The following UGT1A9 variants were observed in gnomAD, a reference collection of about 807,000 sequenced individuals.
UGT1A9 encodes UDP glucuronosyltransferase family 1 member A9.
UGT1A9 carries 35 observed loss-of-function variants against 45.0 expected under a neutral mutation model. The ratio of observed to expected loss-of-function variants is 0.78; its 90% CI spans 0.59 to 1.03. The LOEUF is 1.03. Among genes scored for constraint, UGT1A9 ranks in the 50% least tolerant of loss-of-function variants. The probability of loss-of-function intolerance (pLI) is 0.00; values close to 1 mark genes in which losing one functional copy is unlikely to be tolerated. For missense variants in UGT1A9, 687 were observed against 666.6 expected (o/e 1.03, Z -0.34); for synonymous variants, 278 against 250.6 (o/e 1.11, Z -1.03).
intron 1 of UGT1A9, chr2:233,743,796 C>T (rs774777752): frequency 7.3e-7 from 1 of 1,367,346 alleles, no homozygotes; most frequent in South Asian, 1.1e-5. Flanking sequence ...CTCTCCGCTT[C>T]CTCCTTGTTC....
intron 1 of UGT1A9, among the ~76,000 whole-genome samples, chr2:233,709,629 A>G (rs2076085542): frequency 6.6e-6 from 1 of 152,194 alleles, no homozygotes; most frequent in South Asian, 2.1e-4. Context: ...TTTTGCTGTG[A>G]GTGTTTCTTG....
chr2:233,758,001 G>A (rs1372978564), intron 1 of UGT1A9, among the ~76,000 whole-genome samples: 1 of 152,062 alleles, frequency 6.6e-6, no homozygotes, highest in Non-Finnish European at 1.5e-5. Context: ...TAATTGCCTG[G>A]TCATGAGTTT....
intron 1 of UGT1A9, chr2:233,729,601 G>C: frequency 3.1e-6 from 5 of 1,614,032 alleles, no homozygotes; most frequent in Non-Finnish European, 4.2e-6. Context: ...CCTCTGCGCG[G>C]CAGTGCTGGC....
chr2:233,702,177 T>C (rs2075673724), intron 1 of UGT1A9, among the ~76,000 whole-genome samples: 1 of 152,186 alleles, frequency 6.6e-6, no homozygotes. Flanking sequence ...CTTCTTTCTC[T>C]CCTTCCTCCA....
intron 1 of UGT1A9, among the ~76,000 whole-genome samples, chr2:233,705,549 T>C (rs966498123): frequency 3.9e-5 from 6 of 152,104 alleles, no homozygotes; most frequent in Non-Finnish European, 8.8e-5. Flanking sequence ...GAGCAGCTGG[T>C]GATATTGCTT....
intron 1 of UGT1A9, among the ~76,000 whole-genome samples, chr2:233,679,436 C>A (rs752875090): frequency 1.3e-5 from 2 of 152,206 alleles, no homozygotes; most frequent in East Asian, 1.9e-4. Flanking sequence ...GCAGTCCTGA[C>A]TGTAAACTTG....
At chr2:233,748,210 C>T in intron 1 of UGT1A9, 1 of 1,497,674 alleles carries the variant, frequency 6.7e-7, no homozygotes, top group Non-Finnish European at 9.0e-7. Flanking sequence ...TAATAGCCTT[C>T]AGTGAGATAA....
At position 233,691,285 on chromosome 2, in the gene UGT1A9, T is replaced by C. The variant is rs866612488; in HGVS notation, c.855+18496T>C. On this transcript the variant is annotated intron_variant, in intron 1 of 4. Coordinates refer to ENST00000354728, the MANE Select transcript of UGT1A9 (RefSeq NM_021027.3). ...GCTGCCGCCCCCATGACTTTGATCA[T>C]TGTAAGCTGCCAATCCTCTTGGGAG... is the stretch of plus-strand genomic sequence containing the variant. 90 of 985,556 alleles carry C rather than the reference T, an allele frequency of 9.1e-5. No homozygotes were observed. In the Middle Eastern group the frequency reaches 2.1e-3, roughly 23 times the overall value. The allele number at this position is 985,556 out of a possible 1,614,324, so 61.1% of individuals were successfully genotyped here. A position where few individuals can be genotyped will look rare whatever the true frequency, so the allele number is the denominator to read the frequency against.
intron 1 of UGT1A9, chr2:233,693,919 C>T: frequency 6.2e-7 from 1 of 1,611,200 alleles, no homozygotes; most frequent in Non-Finnish European, 8.5e-7. Flanking sequence ...CTCTGTCCTC[C>T]CTCACTCATT....
Position 233,713,826 on chromosome 2 carries a change from A to G in UGT1A9, c.855+41037A>G, listed in dbSNP as rs973354070. 6.2e-6 allele frequency: 10 copies of G among 1,613,990 alleles called. No individual in the cohort carries two copies. The African/African-American group carries it at 1.3e-4, about 22-fold the overall frequency. ...GCCCAACATGGTCTTCATTGGGGGC[A>G]TCAACTGTGCCAACGGGAAGCCACT... is the stretch of plus-strand genomic sequence containing the variant. On this transcript the variant is annotated intron_variant, in intron 1 of 4. Coordinates refer to ENST00000354728, the MANE Select transcript of UGT1A9 (RefSeq NM_021027.3).
intron 1 of UGT1A9, among the ~76,000 whole-genome samples, chr2:233,715,584 C>T (rs562671697): frequency 6.6e-6 from 1 of 151,992 alleles, no homozygotes; most frequent in Admixed American, 6.6e-5. Context: ...GCAGCCTGGG[C>T]AACATGCTGA....
intron 1 of UGT1A9, among the ~76,000 whole-genome samples, chr2:233,694,600 T>A (rs1158201480): frequency 6.6e-6 from 1 of 152,238 alleles, no homozygotes; most frequent in Non-Finnish European, 1.5e-5. Flanking sequence ...TTGAAGGGCT[T>A]CAGGCAACTC....
intron 1 of UGT1A9, among the ~76,000 whole-genome samples, chr2:233,711,887 T>C (rs28898595): frequency 0.1 from 15,538 of 152,074 alleles, 910 homozygotes; most frequent in East Asian, 0.2. Flanking sequence ...GCAGGACGAG[T>C]CTCATGGGCG....
intron 1 of UGT1A9, among the ~76,000 whole-genome samples, chr2:233,686,849 C>G (rs1224138854): frequency 6.6e-6 from 1 of 152,172 alleles, no homozygotes; most frequent in Middle Eastern, 3.2e-3. Context: ...TCCTTCCCCA[C>G]CTATGTCTTT....
chr2:233,756,775 T>G (rs1301399091), intron 1 of UGT1A9, among the ~76,000 whole-genome samples: 1 of 152,128 alleles, frequency 6.6e-6, no homozygotes, highest in Admixed American at 6.5e-5. Context: ...TTCTTTGCTT[T>G]GATAAATTGT....
chr2:233,717,702 G>A, intron 1 of UGT1A9: 1 of 450,266 alleles, frequency 2.2e-6, no homozygotes, highest in Non-Finnish European at 4.5e-6. Flanking sequence ...TTCTGGAGCA[G>A]GACGAGCCTC....
In UGT1A9 at chr2:233,750,906, G is replaced by C. The variant is rs147161885; in HGVS notation, c.856-16128G>C. Among the ~76,000 whole-genome samples, 893 of 152,034 alleles carry C rather than the reference G, an allele frequency of 5.9e-3. 37 individuals carry two copies. Among genetic ancestry groups the C allele is most frequent in the African/African-American group, 0.021 (857 of 41,250 alleles). On this transcript the variant is annotated intron_variant, in intron 1 of 4. Coordinates refer to ENST00000354728, the MANE Select transcript of UGT1A9 (RefSeq NM_021027.3). ...GCCCTTATAGAGAACCTCTGCTAGA[G>C]AAGGGTGGTAAAGAAATGTGAGGTT...
At chr2:233,745,974 G>A (rs1693271191) in intron 1 of UGT1A9, among the ~76,000 whole-genome samples, 1 of 151,654 alleles carries the variant, frequency 6.6e-6, no homozygotes, top group Non-Finnish European at 1.5e-5. Flanking sequence ...CCCTGAAATG[G>A]GACCATGACA....
intron 1 of UGT1A9, among the ~76,000 whole-genome samples, chr2:233,737,688 T>C (rs2078910745): frequency 6.6e-6 from 1 of 152,202 alleles, no homozygotes; most frequent in Non-Finnish European, 1.5e-5. Context: ...TGGCCATTGG[T>C]GCTGAAGCTT....
Sources: gnomAD v4.1 joint callset for allele counts (sites outside exome capture counted in the v4.1 genomes callset) on GRCh38, gnomAD v4.1.1 for gene constraint, MANE v1.5 for transcripts, NCBI Gene and HGNC (gene_info 2026-07-23, HGNC 2026-07-21) for gene names.